The following SGCD variants were observed in gnomAD, a reference collection of about 807,000 sequenced individuals.
SGCD encodes delta-sarcoglycan.
A neutral mutation model predicts 36.6 loss-of-function variants in SGCD; 18 were observed. The observed-to-expected ratio is 0.49, with a 90% confidence interval of 0.34 to 0.73. SGCD has a LOEUF of 0.73. Ranked by LOEUF, SGCD falls within the 30% of genes least tolerant of loss-of-function variation. SGCD has a pLI of 0.01. For missense variants in SGCD, 387 were observed against 346.7 expected (o/e 1.12, Z -0.92); for synonymous variants, 133 against 130.6 (o/e 1.02, Z -0.12).
intron 1 of SGCD, among the ~76,000 whole-genome samples, chr5:155,948,846 G>A (rs888774050): frequency 6.6e-6 from 1 of 152,150 alleles, no homozygotes; most frequent in Non-Finnish European, 1.5e-5. Context: ...GTGTGATGGG[G>A]TACCATCTGG....
At chr5:156,142,314 C>T (rs1211745656) in intron 3 of SGCD, among the ~76,000 whole-genome samples, 2 of 152,162 alleles carry the variant, frequency 1.3e-5, no homozygotes, top group Non-Finnish European at 2.9e-5. Flanking sequence ...ATAAATTAAC[C>T]AGTCTCAAGT....
At chr5:155,898,670 G>T (rs1199433258) in intron 1 of SGCD, among the ~76,000 whole-genome samples, 4 of 152,106 alleles carry the variant, frequency 2.6e-5, no homozygotes, top group Non-Finnish European at 5.9e-5. Flanking sequence ...ATAAATGTGG[G>T]TTCTTCCTGC....
chr5:156,419,073 G>A (rs1227221392), intron 3 of SGCD, among the ~76,000 whole-genome samples: 1 of 152,046 alleles, frequency 6.6e-6, no homozygotes, highest in Non-Finnish European at 1.5e-5. Flanking sequence ...GTATCTCAAG[G>A]CAGGCTTGGG....
chr5:156,327,235 A>C lies in SGCD; in HGVS notation c.-44+3A>C, dbSNP rs1767853996. On this transcript the variant is annotated splice_donor_region_variant and intron_variant, in intron 1 of 8. Coordinates refer to ENST00000337851, the MANE Select transcript of SGCD (RefSeq NM_000337.6). ...GGTTTGTGAAACGGACAAGAGAGGTAGGGTACTGTTCAGTTCTTGCGTTTG... is the reference window on the plus strand; with the variant it reads ...GGTTTGTGAAACGGACAAGAGAGGTCGGGTACTGTTCAGTTCTTGCGTTTG... 6.6e-6 allele frequency: 1 copy of C among 152,360 alleles called. No homozygotes were observed. The highest frequency in any genetic ancestry group is 2.4e-5 in the African/African-American group (1 of 41,472). The allele number at this position is 152,360 out of a possible 1,614,324, so 9.4% of individuals were successfully genotyped here. A position where few individuals can be genotyped will look rare whatever the true frequency, so the allele number is the denominator to read the frequency against.
At chr5:156,453,485 C>A (rs2127808830) in intron 3 of SGCD, among the ~76,000 whole-genome samples, 1 of 152,212 alleles carries the variant, frequency 6.6e-6, no homozygotes, top group African/African-American at 2.4e-5. Context: ...ACAATAGCCC[C>A]AAACTGGAAA....
chr5:156,466,560 C>T (rs184717581), intron 3 of SGCD, among the ~76,000 whole-genome samples: 1,700 of 152,260 alleles, frequency 0.011, 15 homozygotes, highest in Non-Finnish European at 0.018. Context: ...TAAGAGTACA[C>T]ACTCTTTCCA....
At chr5:156,679,467 C>T (rs1753640027) in intron 7 of SGCD, among the ~76,000 whole-genome samples, 1 of 152,172 alleles carries the variant, frequency 6.6e-6, no homozygotes, top group Admixed American at 6.5e-5. Context: ...CCTGTCTACA[C>T]ATACATACAT....
chr5:156,517,844 C>T (rs1757244212), intron 4 of SGCD, among the ~76,000 whole-genome samples: 1 of 152,150 alleles, frequency 6.6e-6, no homozygotes, highest in East Asian at 1.9e-4. Context: ...GAAGGAAGCA[C>T]TAACTGTGGA....
intron 7 of SGCD, among the ~76,000 whole-genome samples, chr5:156,662,776 T>C (rs1487190535): frequency 6.6e-6 from 1 of 151,400 alleles, no homozygotes. Context: ...CCTGATTTCT[T>C]CTGAATTACA....
intron 3 of SGCD, among the ~76,000 whole-genome samples, chr5:156,221,594 T>C (rs991191048): frequency 2.0e-5 from 3 of 151,916 alleles, no homozygotes; most frequent in African/African-American, 7.2e-5. Context: ...CAACAACTTA[T>C]CAAACATTCT....
intron 1 of SGCD, among the ~76,000 whole-genome samples, chr5:155,928,006 T>A (rs893391285): frequency 3.9e-5 from 6 of 152,194 alleles, no homozygotes; most frequent in African/African-American, 7.2e-5. Context: ...GGCGTGCTCA[T>A]GGGAAAACGT....
intron 3 of SGCD, among the ~76,000 whole-genome samples, chr5:156,151,480 C>A (rs1358667213): frequency 6.6e-6 from 1 of 151,510 alleles, no homozygotes; most frequent in South Asian, 2.1e-4. Flanking sequence ...CACTTTTATT[C>A]CTTATATTAA....
intron 4 of SGCD, among the ~76,000 whole-genome samples, chr5:156,558,007 A>G (rs2113228195): frequency 6.7e-6 from 1 of 150,040 alleles, no homozygotes; most frequent in South Asian, 2.1e-4. Flanking sequence ...AGTGCCTAAT[A>G]TTAATACCTG....
intron 3 of SGCD, among the ~76,000 whole-genome samples, chr5:156,258,041 A>T (rs957169837): frequency 2.0e-5 from 3 of 152,182 alleles, no homozygotes; most frequent in Non-Finnish European, 4.4e-5. Flanking sequence ...ACAACTTTTT[A>T]TTGACAACCT....
intron 4 of SGCD, among the ~76,000 whole-genome samples, chr5:156,541,994 A>G (rs995807657): frequency 6.6e-6 from 1 of 152,166 alleles, no homozygotes; most frequent in Non-Finnish European, 1.5e-5. Flanking sequence ...CATCTGTTGA[A>G]TGTTCATTAT....
At chr5:156,697,296 G>A (rs768759595) in intron 7 of SGCD, among the ~76,000 whole-genome samples, 21 of 152,150 alleles carry the variant, frequency 1.4e-4, no homozygotes, top group Non-Finnish European at 2.1e-4. Flanking sequence ...GCATTTGGTT[G>A]TTGTTGCTTT....
chr5:156,274,871 G>A (rs533437304), intron 3 of SGCD, among the ~76,000 whole-genome samples: 29 of 152,216 alleles, frequency 1.9e-4, no homozygotes, highest in African/African-American at 7.0e-4. Context: ...CCCTCAGTCT[G>A]CAAGGAGTTG....
rs1581108563 is a variant in SGCD at position 156,518,855 on chromosome 5, G to A, written c.294+10153G>A. On this transcript the variant is annotated intron_variant, in intron 4 of 8. Transcript: ENST00000337851. ...ATCTCTGGGATGCAGTTAAAGCAGT[G>A]TTAAGAGGGAAATTTATAGCACTAA... is the stretch of plus-strand genomic sequence containing the variant. Among the ~76,000 whole-genome samples the A allele has an allele frequency of 3.3e-5, 5 of 152,260 alleles. 1 individual carries two copies.
chr5:156,392,624 C>T (rs924208055), intron 3 of SGCD, among the ~76,000 whole-genome samples: 10 of 152,216 alleles, frequency 6.6e-5, no homozygotes, highest in African/African-American at 2.4e-4. Context: ...CTTTCTGTAT[C>T]CCAGGGTTCT....
Sources: allele counts gnomAD v4.1 joint callset (sites outside exome capture counted in the v4.1 genomes callset), GRCh38; gene constraint gnomAD v4.1.1; transcripts MANE v1.5; gene names NCBI Gene and HGNC (gene_info 2026-07-23, HGNC 2026-07-21).